Variants in PSD observed in about 807,000 individuals in gnomAD.
PSD encodes the protein pleckstrin and Sec7 domain containing, also known as PH and SEC7 domain-containing protein 1.
A neutral mutation model predicts 91.6 loss-of-function variants in PSD; 32 were observed. That is an observed-to-expected ratio of 0.35 (90% CI 0.26 to 0.47). The LOEUF is 0.47. Among genes scored for constraint, PSD ranks in the 20% least tolerant of loss-of-function variants. PSD has a pLI of 1.00. For synonymous variants in PSD, 532 were observed against 569.3 expected, an observed-to-expected ratio of 0.93 and a Z score of 0.93; for missense variants, 1,099 against 1,373.9, an observed-to-expected ratio of 0.80 and a Z score of 3.16.
chr10:102,414,622 G>C lies in PSD; in HGVS notation c.1124+241C>G, dbSNP rs571216132. Among the ~76,000 whole-genome samples, 1 of 152,090 alleles carries C rather than the reference G, an allele frequency of 6.6e-6. No individual in the cohort carries two copies. On this transcript the variant is annotated intron_variant, in intron 4 of 16. Coordinates refer to ENST00000020673, the MANE Select transcript of PSD (RefSeq NM_002779.5). The surrounding 1 kb of genome is among the most constrained non-coding windows in gnomAD (Gnocchi z 5.6). ...CTCCTGTGTTCCTGGGCTTGACTGT[G>C]GCCTCTGGCCTCTCACCCTGCCCCC...
chr10:102,403,559 C>T lies in PSD; in HGVS notation c.2845-129G>A, dbSNP rs2135446882. On this transcript the variant is annotated intron_variant, in intron 16 of 16. Coordinates refer to ENST00000020673, the MANE Select transcript of PSD (RefSeq NM_002779.5). The surrounding 1 kb of genome is among the most constrained non-coding windows in gnomAD (Gnocchi z 6.7). Reference sequence around the variant, plus strand: ...CCCACCCAGGACTGTGAGATGGTCCCATGCGGGCTGGTGCCCCCTCTGGGC... The same window carrying T: ...CCCACCCAGGACTGTGAGATGGTCCTATGCGGGCTGGTGCCCCCTCTGGGC... 1.1e-6 allele frequency: 1 copy of T among 948,628 alleles called. No individual in the cohort carries two copies. The highest frequency in any genetic ancestry group is 1.7e-5 in the South Asian group (1 of 59,000). The allele number at this position is 948,628 out of a possible 1,614,324, so 58.8% of individuals were successfully genotyped here.
chr10:102,408,850 G>C, intron 10 of PSD: 3 of 983,440 alleles, frequency 3.1e-6, no homozygotes, highest in Non-Finnish European at 3.6e-6. Context: ...CCGCCCCCTC[G>C]GTCGCCCCGC....
intron 11 of PSD, 125 bp downstream of exon 11, chr10:102,407,098 C>A (rs540031015): frequency 2.5e-6 from 2 of 784,698 alleles, no homozygotes; most frequent in East Asian, 3.3e-5. Flanking sequence ...AGCCTCACTG[C>A]CTCTCATGGC....
chr10:102,404,460 C>G lies in PSD; in HGVS notation c.2700+123G>C. 1.5e-6 allele frequency: 2 copies of G among 1,307,170 alleles called. No homozygotes were observed. Among genetic ancestry groups the G allele is most frequent in the Non-Finnish European group, 2.1e-6 (2 of 965,900 alleles). The allele number at this position is 1,307,170 out of a possible 1,614,324, so 81.0% of individuals were successfully genotyped here. On this transcript the variant is annotated intron_variant, in intron 15 of 16. Coordinates refer to ENST00000020673, the MANE Select transcript of PSD (RefSeq NM_002779.5). This position sits in a 1 kb window ranked among gnomAD's most constrained non-coding sequence, Gnocchi z 5.7. ...GGCTGGATTTCAGTCCCTGCTCACCCCTGTGGCCAGCATCCTGGTGCAGGG... is the reference window on the plus strand; with the variant it reads ...GGCTGGATTTCAGTCCCTGCTCACCGCTGTGGCCAGCATCCTGGTGCAGGG...
chr10:102,410,741 G>A lies in PSD; in HGVS notation c.2091+117C>T. 1.2e-6 allele frequency: 1 copy of A among 823,744 alleles called. No homozygotes were observed. The highest frequency in any genetic ancestry group is 2.1e-6 in the Non-Finnish European group (1 of 487,796). The allele number at this position is 823,744 out of a possible 1,614,324, so 51.0% of individuals were successfully genotyped here. A position where few individuals can be genotyped will look rare whatever the true frequency, so the allele number is the denominator to read the frequency against. Reference sequence around the variant, plus strand: ...AGTCACGAGAGCCCGGGCTTCCGTGGCAGGAGCCGGGGGTCGGCAAGCCCC... The same window carrying A: ...AGTCACGAGAGCCCGGGCTTCCGTGACAGGAGCCGGGGGTCGGCAAGCCCC... On this transcript the variant is annotated intron_variant, in intron 10 of 16. Coordinates refer to ENST00000020673, the MANE Select transcript of PSD (RefSeq NM_002779.5). The surrounding 1 kb of genome is among the most constrained non-coding windows in gnomAD (Gnocchi z 6.0).
At chr10:102,413,675 TA>T in intron 5 of PSD, 93 bp downstream of exon 5, 3 of 1,338,434 alleles carry the variant, frequency 2.2e-6, no homozygotes, top group Non-Finnish European at 3.1e-6. Flanking sequence ...GTCAGGAATA[TA>T]AACCAATCCT....
At chr10:102,411,662 C>G (rs1212568153) in intron 8 of PSD, 45 bp downstream of exon 8, 22 of 1,483,514 alleles carry the variant, frequency 1.5e-5, no homozygotes, top group Non-Finnish European at 2.0e-5. Flanking sequence ...GCCCATTTTG[C>G]CACTGTGGCC....
In PSD at chr10:102,409,133, C is replaced by G. The variant is rs917981495; in HGVS notation, c.2091+1725G>C. The G allele has an allele frequency of 1.3e-5, 13 of 980,848 alleles. No homozygotes were observed. The highest frequency in any genetic ancestry group is 1.1e-4 in the African/African-American group (6 of 56,698). 60.8% of individuals were successfully genotyped at this position (980,848 alleles called of 1,614,324 possible). A position where few individuals can be genotyped will look rare whatever the true frequency, so the allele number is the denominator to read the frequency against. Reference sequence around the variant, plus strand: ...GCGCCGCGGCCCCCGGCCATGCCCCCGTCCGCCCTCGGCCCCCGGGCCGCC... The same window carrying G: ...GCGCCGCGGCCCCCGGCCATGCCCCGGTCCGCCCTCGGCCCCCGGGCCGCC... On this transcript the variant is annotated intron_variant, in intron 10 of 16. Coordinates refer to ENST00000020673, the MANE Select transcript of PSD (RefSeq NM_002779.5). The surrounding 1 kb of genome is among the most constrained non-coding windows in gnomAD (Gnocchi z 5.7).
At position 102,411,045 on chromosome 10, in the gene PSD, C is replaced by A. The variant is rs760781942; in HGVS notation, c.2001+13G>T. The A allele has an allele frequency of 6.2e-7, 1 of 1,612,874 alleles. No individual in the cohort carries two copies. Among genetic ancestry groups the A allele is most frequent in the Non-Finnish European group, 8.5e-7 (1 of 1,179,026 alleles). On this transcript the variant is annotated intron_variant, in intron 9 of 16. Coordinates refer to ENST00000020673, the MANE Select transcript of PSD (RefSeq NM_002779.5). ...GTTTGTTTTCCGGCTCCTGCCCGCC[C>A]GCCTCCACTCACATGGCCGTGGAGA...
At position 102,410,470 on chromosome 10, in the gene PSD, G is replaced by A. The variant is rs1351194501; in HGVS notation, c.2091+388C>T. ...CTTTTTGGCTGTCCACGCGGCGGGG[G>A]AGCAGTGTGGAGTGTACCCCCATCC... On this transcript the variant is annotated intron_variant, in intron 10 of 16. Transcript: ENST00000020673. This position sits in a 1 kb window ranked among gnomAD's most constrained non-coding sequence, Gnocchi z 6.0. 6.6e-6 allele frequency among the ~76,000 whole-genome samples: 1 copy of A among 152,186 alleles called. No homozygotes were observed. Among genetic ancestry groups the A allele is most frequent in the Non-Finnish European group, 1.5e-5 (1 of 68,016 alleles).
In PSD at chr10:102,405,281, G is replaced by T; in HGVS notation, c.2327-28C>A. The T allele has an allele frequency of 6.2e-7, 1 of 1,609,736 alleles. No individual in the cohort carries two copies. The highest frequency in any genetic ancestry group is 8.5e-7 in the Non-Finnish European group (1 of 1,179,844). ...GCGGGGAGAGAAGACAGGTCAGGGGGCCCTGGAACAGGCCCACTCCCATCC... is the reference window on the plus strand; with the variant it reads ...GCGGGGAGAGAAGACAGGTCAGGGGTCCCTGGAACAGGCCCACTCCCATCC... On this transcript the variant is annotated intron_variant, in intron 12 of 16. Coordinates refer to ENST00000020673, the MANE Select transcript of PSD (RefSeq NM_002779.5). The surrounding 1 kb of genome is among the most constrained non-coding windows in gnomAD (Gnocchi z 5.4).
Position 102,414,259 on chromosome 10 carries a change from A to C in PSD, c.1125-62T>G. On this transcript the variant is annotated intron_variant, in intron 4 of 16. Coordinates refer to ENST00000020673, the MANE Select transcript of PSD (RefSeq NM_002779.5). This position sits in a 1 kb window ranked among gnomAD's most constrained non-coding sequence, Gnocchi z 5.6. ...GATCACAGGGCTGGGGCAGGATTTC[A>C]CTGAACTCTCACACTGACTCTGCTA... 4 of 1,420,372 alleles carry C rather than the reference A, an allele frequency of 2.8e-6. No homozygotes were observed. Among genetic ancestry groups the C allele is most frequent in the Non-Finnish European group, 2.9e-6 (3 of 1,036,762 alleles). 88.0% of individuals were successfully genotyped at this position (1,420,372 alleles called of 1,614,324 possible).
chr10:102,413,139 CT>C (rs1301862668), intron 5 of PSD, among the ~76,000 whole-genome samples: 1 of 152,270 alleles, frequency 6.6e-6, no homozygotes, highest in African/African-American at 2.4e-5. Flanking sequence ...CCTTTCTTTC[CT>C]CCCCTTCCCA....
intron 5 of PSD, 130 bp from the exon 6 acceptor site, chr10:102,412,705 T>C: frequency 2.6e-6 from 2 of 771,138 alleles, no homozygotes; most frequent in Non-Finnish European, 4.0e-6. Flanking sequence ...GCATTCTTCT[T>C]TTTTCCAGGG....
At position 102,402,736 on chromosome 10, in the gene PSD, C is replaced by T. The variant is rs1327170685; in HGVS notation, c.*464G>A. The T allele has an allele frequency of 1.4e-5, 4 of 277,492 alleles. No individual in the cohort carries two copies. Among genetic ancestry groups the T allele is most frequent in the African/African-American group, 2.2e-5 (1 of 45,788 alleles). The allele number at this position is 277,492 out of a possible 1,614,324, so 17.2% of individuals were successfully genotyped here. ...CAGGTATGGGGCCTTGGCATGGACGCCCTTCCTCCACCTCCAGCAAGAGAA... is the reference window on the plus strand; with the variant it reads ...CAGGTATGGGGCCTTGGCATGGACGTCCTTCCTCCACCTCCAGCAAGAGAA... On this transcript the variant is annotated 3_prime_UTR_variant, in exon 17 of 17. Coordinates refer to ENST00000020673, the MANE Select transcript of PSD (RefSeq NM_002779.5).
chr10:102,403,050 C>T lies in PSD; in HGVS notation c.*150G>A. 1.4e-5 allele frequency: 7 copies of T among 516,802 alleles called. No homozygotes were observed. Among genetic ancestry groups the T allele is most frequent in the Non-Finnish European group, 2.2e-5 (7 of 318,054 alleles). The allele number at this position is 516,802 out of a possible 1,614,324, so 32.0% of individuals were successfully genotyped here. On this transcript the variant is annotated 3_prime_UTR_variant, in exon 17 of 17. Transcript: ENST00000020673. This position sits in a 1 kb window ranked among gnomAD's most constrained non-coding sequence, Gnocchi z 6.7. ...AGCCTAGGCTCCTGAGGCCCAGGCCCCAGCCCTGCCCTGCCCCGGACACCG... is the reference window on the plus strand; with the variant it reads ...AGCCTAGGCTCCTGAGGCCCAGGCCTCAGCCCTGCCCTGCCCCGGACACCG...
In PSD at chr10:102,411,862, T is replaced by G. The variant is rs371019127; in HGVS notation, c.1830-43A>C. The G allele has an allele frequency of 2.9e-5, 42 of 1,443,006 alleles. No homozygotes were observed. In the African/African-American group the frequency reaches 4.6e-4, roughly 16 times the overall value. 89.4% of individuals were successfully genotyped at this position (1,443,006 alleles called of 1,614,324 possible). A position where few individuals can be genotyped will look rare whatever the true frequency, so the allele number is the denominator to read the frequency against. On this transcript the variant is annotated intron_variant, in intron 7 of 16. Transcript: ENST00000020673. Reference sequence around the variant, plus strand: ...GAGGGTTGCCTAGCAACCAGGAGTTTCCAGCCTCTGTCTCTGGGGTGACAG... The same window carrying G: ...GAGGGTTGCCTAGCAACCAGGAGTTGCCAGCCTCTGTCTCTGGGGTGACAG...
At chr10:102,418,628 A>T (rs1297643799) in intron 1 of PSD, 73 bp downstream of exon 1, 3 of 440,176 alleles carry the variant, frequency 6.8e-6, no homozygotes, top group African/African-American at 4.0e-5. Context: ...CCTGCCAGGC[A>T]GGTTCCGGAA....
At position 102,414,950 on chromosome 10, in the gene PSD, C is replaced by A; in HGVS notation, c.1037G>T (p.Gly346Val). Reference sequence around the variant, plus strand: ...GTCGTCCTCATCCTCATTGCCACTGCCGAGGCTGGGATGAGGGCCAGGGAG... The same window carrying A: ...GTCGTCCTCATCCTCATTGCCACTGACGAGGCTGGGATGAGGGCCAGGGAG... ...GPLPGPHPSL[G>V]SGNEDEDDDE... Residue 346 changes from glycine (G) to valine (V), a missense_variant, in exon 4 of 17, where the codon GGC becomes GTC. Transcript: ENST00000020673. This position sits in a 1 kb window ranked among gnomAD's most constrained non-coding sequence, Gnocchi z 5.6. 6.4e-7 allele frequency: 1 copy of A among 1,557,370 alleles called. No homozygotes were observed. The highest frequency in any genetic ancestry group is 1.2e-5 in the South Asian group (1 of 84,338).
Sources: allele counts gnomAD v4.1 joint callset (sites outside exome capture counted in the v4.1 genomes callset), GRCh38; gene constraint gnomAD v4.1.1; non-coding constraint Gnocchi (gnomAD v3.1); transcripts MANE v1.5; gene names NCBI Gene and HGNC (gene_info 2026-07-23, HGNC 2026-07-21).